The following CRELD2 variants were observed in gnomAD, a reference collection of about 807,000 sequenced individuals.
The protein encoded by CRELD2 is protein disulfide isomerase CRELD2.
CRELD2 carries 33 observed loss-of-function variants against 48.1 expected under a neutral mutation model. The ratio of observed to expected loss-of-function variants is 0.69; its 90% confidence interval spans 0.52 to 0.92. CRELD2 has a LOEUF of 0.92. Ranked by LOEUF, CRELD2 falls within the 40% of genes least tolerant of loss-of-function variation. The pLI is 0.00. For synonymous variants in CRELD2, 220 were observed against 203.9 expected (o/e 1.08, Z -0.67); for missense variants, 477 against 482.4 (o/e 0.99, Z 0.10).
chr22:49,920,641 G>C (rs9616390), intron 4 of CRELD2, among the ~76,000 whole-genome samples: 35,053 of 152,218 alleles, frequency 0.23, 4,470 homozygotes, highest in African/African-American at 0.34. Flanking sequence ...TGCAGAGAGC[G>C]CAGGGCACTG....
At chr22:49,925,166 C>T in intron 8 of CRELD2, 2 of 349,918 alleles carry the variant, frequency 5.7e-6, no homozygotes, top group Non-Finnish European at 5.2e-6. Context: ...AGTGGGCTTC[C>T]TGGGCGCATG....
At position 49,925,252 on chromosome 22, in the gene CRELD2, A is replaced by G. The variant is rs928256447; in HGVS notation, c.869-165A>G. On this transcript the variant is annotated intron_variant, in intron 8 of 9. Transcript: ENST00000328268. The stretch of plus-strand genomic sequence containing the variant: ...TGAGGGCCCAACTTGGAGACGTGAA[A>G]TTCTTCCCTCTCGAAGCCTTTCCTG... 2.3e-5 allele frequency: 13 copies of G among 554,696 alleles called. No homozygotes were observed. The African/African-American group carries it at 2.5e-4, about 11-fold the overall frequency. The allele number at this position is 554,696 out of a possible 1,614,324, so 34.4% of individuals were successfully genotyped here.
chr22:49,922,927 T>TGGG (rs1270146969), intron 6 of CRELD2, among the ~76,000 whole-genome samples: 5 of 44,182 alleles, frequency 1.1e-4, no homozygotes, highest in South Asian at 5.9e-4. Context: ...GGGCGTGAGG[T>TGGG]GGGGGCGTGA....
chr22:49,922,558 C>T (rs1318494830), intron 5 of CRELD2, 54 bp from the exon 6 acceptor site: 1 of 1,491,722 alleles, frequency 6.7e-7, no homozygotes, highest in African/African-American at 1.4e-5. Context: ...AGCCTTGTCC[C>T]CAAGCTGGTA....
At chr22:49,925,299 G>A (rs1601849404) in intron 8 of CRELD2, 118 bp from the exon 9 acceptor site, 11 of 741,172 alleles carry the variant, frequency 1.5e-5, no homozygotes, top group Admixed American at 4.8e-5. Flanking sequence ...TTTCTGTAAC[G>A]TGACGTTTGT....
chr22:49,922,750 C>T (rs1001765080), intron 6 of CRELD2, 43 bp downstream of exon 6: 12 of 741,664 alleles, frequency 1.6e-5, no homozygotes, highest in East Asian at 1.1e-4. Flanking sequence ...CTGCGTGAGG[C>T]GTGGGGGGTG....
At chr22:49,923,186 C>G (rs1569186170) in intron 6 of CRELD2, 48 bp from the exon 7 acceptor site, 1 of 1,459,460 alleles carries the variant, frequency 6.9e-7, no homozygotes, top group Admixed American at 2.3e-5. Flanking sequence ...TCCCCGCTCC[C>G]TGGCCGGGCT....
chr22:49,924,366 A>G lies in CRELD2; in HGVS notation c.779A>G (p.Asp260Gly), dbSNP rs1235556425. Residue 260 changes from aspartate to glycine, a missense_variant, in exon 8 of 10, where the codon GAC becomes GGC. Coordinates refer to ENST00000328268, the MANE Select transcript of CRELD2 (RefSeq NM_024324.5). ...CGCTGGCTCCCTGTTGCAGAGTGTGACTCCAGCTGTGTGGGCTGCACAGGG... is the reference window on the plus strand; with the variant it reads ...CGCTGGCTCCCTGTTGCAGAGTGTGGCTCCAGCTGTGTGGGCTGCACAGGG... ...ANGSYTCEEC[D>G]SSCVGCTGEG... 1 of 1,610,620 alleles carries G rather than the reference A, an allele frequency of 6.2e-7. No individual in the cohort carries two copies. The highest frequency in any genetic ancestry group is 1.1e-5 in the South Asian group (1 of 90,518).
At position 49,918,714 on chromosome 22, in the gene CRELD2, C is replaced by G. The variant is rs1279811397; in HGVS notation, c.-56C>G. On this transcript the variant is annotated 5_prime_UTR_variant, in exon 1 of 10. Transcript: ENST00000328268. Reference sequence around the variant, plus strand: ...CGGGTGGGCGGCCGGGAGGCCGGAGCAGCACGGCCGCAGGACCTGGAGCTC... The same window carrying G: ...CGGGTGGGCGGCCGGGAGGCCGGAGGAGCACGGCCGCAGGACCTGGAGCTC... The G allele has an allele frequency of 5.9e-6, 4 of 672,850 alleles. No individual in the cohort carries two copies. The highest frequency in any genetic ancestry group is 1.2e-4 in the South Asian group (2 of 16,712). The allele number at this position is 672,850 out of a possible 1,614,324, so 41.7% of individuals were successfully genotyped here.
intron 7 of CRELD2, chr22:49,923,542 A>G: frequency 1.5e-6 from 1 of 646,402 alleles, no homozygotes; most frequent in Middle Eastern, 2.8e-4. Context: ...TGGAGAGCGC[A>G]CCCTGCTGGT....
In CRELD2 at chr22:49,918,680, G is replaced by C. The variant is rs1039861090; in HGVS notation, c.-90G>C. Reference sequence around the variant, plus strand: ...AGTAGCCTGGGGGACAGGCCGGCGCGGCTGGGAGCGGGTGGGCGGCCGGGA... The same window carrying C: ...AGTAGCCTGGGGGACAGGCCGGCGCCGCTGGGAGCGGGTGGGCGGCCGGGA... On this transcript the variant is annotated 5_prime_UTR_variant, in exon 1 of 10. Transcript: ENST00000328268. 1 of 435,196 alleles carries C rather than the reference G, an allele frequency of 2.3e-6. No homozygotes were observed. The highest frequency in any genetic ancestry group is 3.7e-6 in the Non-Finnish European group (1 of 268,894). 27.0% of individuals were successfully genotyped at this position (435,196 alleles called of 1,614,324 possible).
At chr22:49,926,208 A>T (rs1430833503) in intron 9 of CRELD2, 2 of 152,580 alleles carry the variant, frequency 1.3e-5, no homozygotes, top group African/African-American at 4.8e-5. Context: ...GACACCAGTC[A>T]CTAATGCCCT....
chr22:49,924,658 C>T (rs1601848070), intron 8 of CRELD2: 2 of 452,494 alleles, frequency 4.4e-6, no homozygotes, highest in Non-Finnish European at 8.1e-6. Flanking sequence ...TCTGCATGGC[C>T]GACCCTGGTG....
intron 2 of CRELD2, 115 bp downstream of exon 2, chr22:49,919,427 A>C (rs2060653293): frequency 2.1e-6 from 2 of 964,624 alleles, no homozygotes; most frequent in Non-Finnish European, 3.2e-6. Context: ...CCGAGGCACC[A>C]GTCACCCGTC....
In CRELD2 at chr22:49,927,340, G is replaced by A. The variant is rs577045083; in HGVS notation, c.*33G>A. 2 of 1,593,204 alleles carry A rather than the reference G, an allele frequency of 1.3e-6. No homozygotes were observed. The highest frequency in any genetic ancestry group is 2.2e-5 in the South Asian group (2 of 90,604). ...GACTTACCCTTTAAATTATTCAGAA[G>A]GATGTCCCGTGGAAAATGTGGCCCT... On this transcript the variant is annotated 3_prime_UTR_variant, in exon 10 of 10. Transcript: ENST00000328268.
chr22:49,919,690 G>A, intron 2 of CRELD2, 40 bp from the exon 3 acceptor site: 1 of 1,487,970 alleles, frequency 6.7e-7, no homozygotes, highest in East Asian at 2.3e-5. Flanking sequence ...TCACTGCCTT[G>A]GAGGCGCTGA....
At chr22:49,925,656 G>T in intron 9 of CRELD2, 99 bp downstream of exon 9, 1 of 1,570,738 alleles carries the variant, frequency 6.4e-7, no homozygotes, top group Non-Finnish European at 8.6e-7. Flanking sequence ...ACAGATGGTG[G>T]CCTTGAGATG....
chr22:49,920,382 C>A, intron 4 of CRELD2, 135 bp downstream of exon 4: 1 of 619,000 alleles, frequency 1.6e-6, no homozygotes, highest in Non-Finnish European at 2.8e-6. Context: ...TGCCGGATGG[C>A]TGCCTCCCCC....
At chr22:49,920,111 A>C in intron 3 of CRELD2, 45 bp from the exon 4 acceptor site, 55 of 1,300,534 alleles carry the variant, frequency 4.2e-5, no homozygotes, top group Non-Finnish European at 5.6e-5. Context: ...TGTTTTAAAG[A>C]ACCGTGTCTG....
Sources: allele counts gnomAD v4.1 joint callset (sites outside exome capture counted in the v4.1 genomes callset), GRCh38; gene constraint gnomAD v4.1.1; transcripts MANE v1.5; gene names NCBI Gene and HGNC (gene_info 2026-07-23, HGNC 2026-07-21).